The following SYT16 variants were observed in gnomAD, a reference collection of about 807,000 sequenced individuals.
The protein encoded by SYT16 is synaptotagmin-16.
A neutral mutation model predicts 61.4 loss-of-function variants in SYT16; 42 were observed. The observed-to-expected ratio is 0.68, with a 90% CI of 0.53 to 0.89. The LOEUF is 0.89. Ranked by LOEUF, SYT16 falls within the 40% of genes least tolerant of loss-of-function variation. SYT16 has a pLI of 0.00. For synonymous variants in SYT16, 314 were observed against 302.3 expected (o/e 1.04, Z -0.40); for missense variants, 804 against 807.3 (o/e 1.00, Z 0.05).
chr14:61,922,043 A>T (rs2049351908), intron 1 of SYT16, among the ~76,000 whole-genome samples: 1 of 152,226 alleles, frequency 6.6e-6, no homozygotes, highest in Admixed American at 6.5e-5. Context: ...TCAATGCTAC[A>T]GTCTCAAAAG....
chr14:61,866,549 A>C (rs2047160211), intron 1 of SYT16, among the ~76,000 whole-genome samples: 1 of 152,006 alleles, frequency 6.6e-6, no homozygotes, highest in Non-Finnish European at 1.5e-5. Flanking sequence ...TCATATGCTT[A>C]TTTGCCATCT....
rs1476078774 is a variant in SYT16, at chr14:62,101,564, A to G, written c.*857A>G. 3 of 152,132 alleles carry G rather than the reference A, an allele frequency of 2.0e-5. No individual in the cohort carries two copies. Among genetic ancestry groups the G allele is most frequent in the African/African-American group, 4.8e-5 (2 of 41,430 alleles). 9.4% of individuals were successfully genotyped at this position (152,132 alleles called of 1,614,324 possible). A position where few individuals can be genotyped will look rare whatever the true frequency, so the allele number is the denominator to read the frequency against. On this transcript the variant is annotated 3_prime_UTR_variant, in exon 8 of 8. Coordinates refer to ENST00000683842, the MANE Select transcript of SYT16 (RefSeq NM_001367656.1). ...TGTTCTTTTGGATTATCCTTTTTCT[A>G]TGTTCAATTATATATACTCATATAT...
At chr14:62,063,248 C>A (rs1279878443) in intron 3 of SYT16, among the ~76,000 whole-genome samples, 1 of 152,134 alleles carries the variant, frequency 6.6e-6, no homozygotes, top group East Asian at 1.9e-4. Flanking sequence ...CAAAGTCAGA[C>A]CCTGGGAGAG....
chr14:62,054,360 G>GTTTTTTTTT (rs11347339), intron 3 of SYT16, among the ~76,000 whole-genome samples: 1 of 118,298 alleles, frequency 8.5e-6, no homozygotes, highest in African/African-American at 3.4e-5. Context: ...AGTGAAGTGA[G>GTTTTTTTTT]TTTTTTTTTT....
chr14:61,897,356 G>A (rs1168624876), intron 1 of SYT16: 1 of 152,212 alleles, frequency 6.6e-6, no homozygotes, highest in Non-Finnish European at 1.5e-5. Context: ...TTGTCTACAG[G>A]TAAGAGCAAA....
chr14:61,935,559 A>C (rs1489485692), intron 1 of SYT16, among the ~76,000 whole-genome samples: 1 of 152,132 alleles, frequency 6.6e-6, no homozygotes, highest in Admixed American at 6.5e-5. Flanking sequence ...GATCTATACC[A>C]GTGAGGGTAA....
At chr14:61,861,354 CT>C (rs1329841132) in intron 1 of SYT16, among the ~76,000 whole-genome samples, 2 of 152,160 alleles carry the variant, frequency 1.3e-5, no homozygotes, top group Non-Finnish European at 2.9e-5. Flanking sequence ...GCACAGAAGT[CT>C]TAACTGTGGT....
rs755904877 is a variant in SYT16, at chr14:62,081,121, T to C, written c.1281T>C (p.Asp427=). ...CCTTTGCCAAGCTGGAGCCCAGAGATGTGGCTGCCTGTGCTGTCCGCTTCC... is the reference window on the plus strand; with the variant it reads ...CCTTTGCCAAGCTGGAGCCCAGAGACGTGGCTGCCTGTGCTGTCCGCTTCC... ...KVTFAKLEPR[D]VAACAVRFRL... Residue 427 remains aspartate (D), a synonymous_variant, in exon 6 of 8, where the codon GAT becomes GAC. Transcript: ENST00000683842. 1.2e-6 allele frequency: 2 copies of C among 1,613,796 alleles called. No individual in the cohort carries two copies. The highest frequency in any genetic ancestry group is 3.3e-5 in the Admixed American group (2 of 59,992).
chr14:61,946,793 C>G (rs944134610), intron 1 of SYT16, among the ~76,000 whole-genome samples: 1 of 152,022 alleles, frequency 6.6e-6, no homozygotes, highest in African/African-American at 2.4e-5. Flanking sequence ...GAGTTGCAAC[C>G]ATATGTTTTG....
intron 2 of SYT16, among the ~76,000 whole-genome samples, chr14:61,994,152 G>A (rs751819195): frequency 1.3e-5 from 2 of 152,170 alleles, no homozygotes; most frequent in African/African-American, 4.8e-5. Context: ...AAAGCTAACG[G>A]AGTTTGGAAT....
chr14:62,069,754 A>G lies in SYT16; in HGVS notation c.675A>G (p.Pro225=). The G allele has an allele frequency of 6.2e-7, 1 of 1,614,042 alleles. No homozygotes were observed. Among genetic ancestry groups the G allele is most frequent in the Non-Finnish European group, 8.5e-7 (1 of 1,179,890 alleles). Residue 225 remains proline (P), a synonymous_variant, in exon 4 of 8, where the codon CCA becomes CCG. Coordinates refer to ENST00000683842, the MANE Select transcript of SYT16 (RefSeq NM_001367656.1). ...KGKQTGLEQK[P]KFSRSLLTHG... Reference sequence around the variant, plus strand: ...AGCAGACAGGATTGGAGCAGAAACCAAAATTCAGCCGTTCGTTGTTGACAC... The same window carrying G: ...AGCAGACAGGATTGGAGCAGAAACCGAAATTCAGCCGTTCGTTGTTGACAC...
chr14:62,056,027 A>G (rs1348303884), intron 3 of SYT16, among the ~76,000 whole-genome samples: 1 of 150,948 alleles, frequency 6.6e-6, no homozygotes, highest in East Asian at 1.9e-4. Flanking sequence ...AGACTCAGCC[A>G]GTCTACTTTT....
chr14:62,037,347 T>C (rs1359993694), intron 3 of SYT16, among the ~76,000 whole-genome samples: 2 of 152,170 alleles, frequency 1.3e-5, no homozygotes, highest in Admixed American at 6.5e-5. Context: ...AATTTACCAA[T>C]AATCTCTTAG....
At chr14:61,812,303 G>A (rs1017148125), upstream of SYT16, 3 of 152,472 alleles carry the variant, frequency 2.0e-5, no homozygotes, top group Non-Finnish European at 4.4e-5. Context: ...CTGGGGCTGA[G>A]CATGGGGTCC....
chr14:62,022,000 A>G (rs544300152), intron 3 of SYT16, among the ~76,000 whole-genome samples: 1 of 150,380 alleles, frequency 6.6e-6, no homozygotes, highest in African/African-American at 2.4e-5. Flanking sequence ...GTGCTTTCTA[A>G]TGGGTTCAAT....
At position 61,846,833 on chromosome 14, in the gene SYT16, T is replaced by A. The variant is rs183208194; in HGVS notation, c.-325+34023T>A. 7.9e-5 allele frequency among the ~76,000 whole-genome samples: 12 copies of A among 152,334 alleles called. No homozygotes were observed. In the East Asian group the frequency reaches 2.3e-3, roughly 29 times the overall value. ...CTTTTGTGTATCTGTTGTATGTTTT[T>A]TTATTGGAAGTTACCATGAGGCTTG... On this transcript the variant is annotated intron_variant, in intron 1 of 7. Coordinates refer to ENST00000683842, the MANE Select transcript of SYT16 (RefSeq NM_001367656.1).
chr14:61,967,379 A>G (rs2051357314), intron 1 of SYT16, among the ~76,000 whole-genome samples: 1 of 152,182 alleles, frequency 6.6e-6, no homozygotes, highest in Admixed American at 6.5e-5. Flanking sequence ...TATTGCAACA[A>G]ATTACCACAA....
chr14:61,969,365 T>A (rs566768220), intron 1 of SYT16, among the ~76,000 whole-genome samples: 34 of 152,278 alleles, frequency 2.2e-4, no homozygotes, highest in African/African-American at 7.5e-4. Context: ...TTCTCTGGTC[T>A]CCCTGTTATA....
At chr14:61,866,342 C>T (rs747894555) in intron 1 of SYT16, among the ~76,000 whole-genome samples, 6 of 152,032 alleles carry the variant, frequency 3.9e-5, no homozygotes, top group Non-Finnish European at 8.8e-5. Flanking sequence ...AAATAATTGC[C>T]AAAATGTTTT....
Sources: allele counts gnomAD v4.1 joint callset (sites outside exome capture counted in the v4.1 genomes callset), GRCh38; gene constraint gnomAD v4.1.1; transcripts MANE v1.5; gene names NCBI Gene and HGNC (gene_info 2026-07-23, HGNC 2026-07-21).